ANO4: variants seen among roughly 807,000 people sequenced by gnomAD.
The protein encoded by ANO4 is anoctamin 4.
Under a neutral mutation model 141.9 loss-of-function variants are expected in ANO4, and 69 were observed. That is an observed-to-expected ratio of 0.49 (90% CI 0.40 to 0.59). The LOEUF (loss-of-function observed/expected upper bound fraction) is 0.59, where lower values mean the gene tolerates loss of function less well. ANO4 is among the 20% of genes least tolerant of loss of function. The pLI, the probability that ANO4 is intolerant of heterozygous loss-of-function variation, is 0.00. For synonymous variants in ANO4, 350 were observed against 394.3 expected, an observed-to-expected ratio of 0.89 and a Z score of 1.33; for missense variants, 894 against 1,162.2, an observed-to-expected ratio of 0.77 and a Z score of 3.36.
chr12:100,748,858 TGTCAA>T (rs1158178735), intron 3 of ANO4, among the ~76,000 whole-genome samples: 2 of 152,196 alleles, frequency 1.3e-5, no homozygotes, highest in Non-Finnish European at 2.9e-5. Flanking sequence ...ATTTCCCTTT[TGTCAA>T]AATAGCCCTG....
intron 9 of ANO4, among the ~76,000 whole-genome samples, chr12:101,021,743 C>A (rs116055622): frequency 0.023 from 3,428 of 152,104 alleles, 126 homozygotes; most frequent in African/African-American, 0.078. Flanking sequence ...TTTACTAATT[C>A]AGTGAAAATG....
At chr12:101,055,762 G>A (rs958835990) in intron 14 of ANO4, among the ~76,000 whole-genome samples, 7 of 151,772 alleles carry the variant, frequency 4.6e-5, no homozygotes, top group African/African-American at 4.8e-5. Context: ...TAAGATTTTC[G>A]TCTATATTGT....
chr12:101,104,593 A>ATGTGTGTGTG (rs745870723), intron 22 of ANO4, among the ~76,000 whole-genome samples: 1 of 94,714 alleles, frequency 1.1e-5, no homozygotes, highest in African/African-American at 5.1e-5. Flanking sequence ...TAATATATAT[A>ATGTGTGTGTG]TGTGTGTGTG....
At chr12:100,794,611 G>A (rs977691397), upstream of ANO4, 5 of 152,140 alleles carry the variant, frequency 3.3e-5, no homozygotes, top group Admixed American at 2.6e-4. Flanking sequence ...TGTTCTCTCC[G>A]GCAGTTCCTT....
intron 3 of ANO4, among the ~76,000 whole-genome samples, chr12:100,741,060 T>C (rs2031843011): frequency 1.3e-5 from 2 of 152,244 alleles, no homozygotes; most frequent in Non-Finnish European, 2.9e-5. Flanking sequence ...AATTTATCGC[T>C]TATATCACAC....
intron 1 of ANO4, among the ~76,000 whole-genome samples, chr12:100,806,335 C>T (rs28694083): frequency 0.14 from 21,772 of 151,940 alleles, 1,635 homozygotes; most frequent in South Asian, 0.22. Flanking sequence ...TGCCCACTAG[C>T]AAGCATTTTG....
chr12:101,116,885 G>A (rs1348957134), intron 25 of ANO4, 87 bp downstream of exon 25: 14 of 1,570,116 alleles, frequency 8.9e-6, no homozygotes, highest in Non-Finnish European at 1.2e-5. Context: ...TTCTGGCTGA[G>A]TGTGTTTAAA....
At chr12:100,850,954 T>C (rs922900421) in intron 1 of ANO4, among the ~76,000 whole-genome samples, 1 of 152,208 alleles carries the variant, frequency 6.6e-6, no homozygotes, top group Non-Finnish European at 1.5e-5. Flanking sequence ...GCATATAACA[T>C]AACATATTTA....
At chr12:100,810,041 C>T (rs2035305429) in intron 1 of ANO4, among the ~76,000 whole-genome samples, 1 of 152,084 alleles carries the variant, frequency 6.6e-6, no homozygotes, top group South Asian at 2.1e-4. Context: ...CCAAAGCCAT[C>T]CCATTCAAAT....
At chr12:101,088,405 T>A (rs1273446676) in intron 17 of ANO4, among the ~76,000 whole-genome samples, 1 of 152,110 alleles carries the variant, frequency 6.6e-6, no homozygotes, top group Non-Finnish European at 1.5e-5. Context: ...CCTGTGTTTT[T>A]TCTATAGCAT....
upstream of ANO4, among the ~76,000 whole-genome samples, chr12:100,791,160 C>T (rs1005144712): frequency 2.6e-5 from 4 of 152,120 alleles, no homozygotes; most frequent in Admixed American, 2.0e-4. Context: ...AGGCGGATTG[C>T]CTGAGCTCAG....
At chr12:100,766,201 C>G (rs2033073877) in intron 3 of ANO4, among the ~76,000 whole-genome samples, 1 of 152,088 alleles carries the variant, frequency 6.6e-6, no homozygotes, top group Admixed American at 6.5e-5. Context: ...GATAGAATTC[C>G]TTTTCTTTTT....
chr12:100,812,273 T>G (rs984413058), intron 1 of ANO4, among the ~76,000 whole-genome samples: 3 of 152,156 alleles, frequency 2.0e-5, no homozygotes, highest in Admixed American at 6.6e-5. Context: ...CTAGTTTAGG[T>G]TTGAATTGCT....
intron 6 of ANO4, 61 bp downstream of exon 6, chr12:100,971,467 C>T (rs1449910449): frequency 8.3e-7 from 1 of 1,208,910 alleles, no homozygotes; most frequent in Non-Finnish European, 1.2e-6. Context: ...CTAATGTTCT[C>T]CTCTCTCAGA....
intron 1 of ANO4, among the ~76,000 whole-genome samples, chr12:100,890,678 A>G (rs1439187097): frequency 1.3e-5 from 2 of 152,108 alleles, no homozygotes; most frequent in Admixed American, 6.6e-5. Context: ...TTGACTGCAA[A>G]ATACAGACAT....
At chr12:100,825,343 G>C (rs2036272739) in intron 1 of ANO4, among the ~76,000 whole-genome samples, 1 of 152,100 alleles carries the variant, frequency 6.6e-6, no homozygotes, top group South Asian at 2.1e-4. Context: ...GATTCTCTAT[G>C]TACATGATTT....
At chr12:100,915,586 A>G (rs1432782967) in intron 2 of ANO4, among the ~76,000 whole-genome samples, 1 of 152,146 alleles carries the variant, frequency 6.6e-6, no homozygotes, top group Non-Finnish European at 1.5e-5. Context: ...TCCAAGTCCC[A>G]GGTTACAAGA....
At chr12:100,919,835 G>A (rs2041550123) in intron 2 of ANO4, among the ~76,000 whole-genome samples, 1 of 150,904 alleles carries the variant, frequency 6.6e-6, no homozygotes, top group Non-Finnish European at 1.5e-5. Context: ...CATTATAAAC[G>A]AGCATTTTCC....
chr12:100,993,327 A>T (rs1555270788), intron 8 of ANO4, among the ~76,000 whole-genome samples: 1 of 152,198 alleles, frequency 6.6e-6, no homozygotes, highest in Non-Finnish European at 1.5e-5. Context: ...TGAGCTTACC[A>T]AGGTGGGCCT....
Sources: allele counts gnomAD v4.1 joint callset (sites outside exome capture counted in the v4.1 genomes callset), GRCh38; gene constraint gnomAD v4.1.1; transcripts MANE v1.5; gene names NCBI Gene and HGNC (gene_info 2026-07-23, HGNC 2026-07-21).